Variants in ARFGEF1 observed in about 807,000 individuals in gnomAD.
ARFGEF1 encodes ARF guanine nucleotide exchange factor 1.
Under a neutral mutation model 231.0 loss-of-function variants are expected in ARFGEF1, and 42 were observed. The observed-to-expected ratio is 0.18, with a 90% CI of 0.14 to 0.24. The LOEUF (loss-of-function observed/expected upper bound fraction) is 0.24. Ranked by LOEUF, ARFGEF1 falls within the 10% of genes least tolerant of loss-of-function variation. ARFGEF1 has a pLI of 1.00. For synonymous variants in ARFGEF1, 710 were observed against 732.3 expected, an observed-to-expected ratio of 0.97 and a Z score of 0.49; for missense variants, 1,345 against 2,192.0, an observed-to-expected ratio of 0.61 and a Z score of 7.72.
At position 67,288,071 on chromosome 8, in the gene ARFGEF1, A is replaced by G. The variant is rs377085875; in HGVS notation, c.917-6T>C. On this transcript the variant is annotated splice_polypyrimidine_tract_variant and splice_region_variant and intron_variant, in intron 6 of 38. Coordinates refer to ENST00000262215, the MANE Select transcript of ARFGEF1 (RefSeq NM_006421.5). ...CACTTCATTTTTAGATAATGCTTTA[A>G]AAGAAGAAAAATTCAACAGAACATT... 68 of 1,558,010 alleles carry G rather than the reference A, an allele frequency of 4.4e-5. No individual in the cohort carries two copies. The African/African-American group carries it at 9.0e-4, about 21-fold the overall frequency.
At chr8:67,299,116 TA>T in intron 4 of ARFGEF1, 92 bp downstream of exon 4, 1 of 1,205,912 alleles carries the variant, frequency 8.3e-7, no homozygotes, top group African/African-American at 1.6e-5. Context: ...GGAATGCACA[TA>T]AAATGATCTT....
chr8:67,331,690 T>A (rs1198652130), intron 1 of ARFGEF1, among the ~76,000 whole-genome samples: 1 of 151,896 alleles, frequency 6.6e-6, no homozygotes, highest in Admixed American at 6.6e-5. Flanking sequence ...ATATCCTAAC[T>A]ATAAAGAGGA....
chr8:67,280,332 C>T (rs1805483450), intron 7 of ARFGEF1, among the ~76,000 whole-genome samples: 1 of 152,160 alleles, frequency 6.6e-6, no homozygotes, highest in South Asian at 2.1e-4. Context: ...TCACTGCCTG[C>T]TAATTAAAGT....
chr8:67,197,980 AT>A lies in ARFGEF1; in HGVS notation c.*953del. 1.0e-6 allele frequency: 1 copy of A among 985,880 alleles called. No homozygotes were observed. Among genetic ancestry groups the A allele is most frequent in the Non-Finnish European group, 1.2e-6 (1 of 829,932 alleles). The allele number at this position is 985,880 out of a possible 1,614,324, so 61.1% of individuals were successfully genotyped here. On this transcript the variant is annotated 3_prime_UTR_variant, in exon 39 of 39. Transcript: ENST00000262215. ...CGTTAAATTCTGTACATAGAGTAAA[AT>A]CTACATCAAGCCCCACCACCCAAAA...
intron 33 of ARFGEF1, among the ~76,000 whole-genome samples, chr8:67,213,874 G>A (rs1406076527): frequency 1.3e-5 from 2 of 152,164 alleles, no homozygotes; most frequent in Admixed American, 1.3e-4. Context: ...CCACAATCAC[G>A]TAAGCCAGTT....
downstream of ARFGEF1, among the ~76,000 whole-genome samples, chr8:67,195,227 G>GGTGA (rs1324028780): frequency 1.9e-4 from 29 of 151,832 alleles, no homozygotes; most frequent in Non-Finnish European, 3.4e-4. Flanking sequence ...GGTGGGGTGG[G>GGTGA]GTGAGTCTAA....
At chr8:67,269,586 G>C (rs1378769287) in intron 10 of ARFGEF1, among the ~76,000 whole-genome samples, 1 of 151,792 alleles carries the variant, frequency 6.6e-6, no homozygotes, top group Non-Finnish European at 1.5e-5. Flanking sequence ...CCTGACCTCA[G>C]GTGATCCACC....
rs1396180556 is a variant in ARFGEF1 at position 67,271,568 on chromosome 8, TG to T, written c.1572+133del. 8 of 684,668 alleles carry T rather than the reference TG, an allele frequency of 1.2e-5. No individual in the cohort carries two copies. The East Asian group carries it at 2.2e-4, about 19-fold the overall frequency. 42.4% of individuals were successfully genotyped at this position (684,668 alleles called of 1,614,324 possible). ...GGCACATATTAGTTGAACAGGTGAA[TG>T]AAAAAAAATAAGTGCATGGCAATAT... is the stretch of plus-strand genomic sequence containing the variant. On this transcript the variant is annotated intron_variant, in intron 10 of 38. Coordinates refer to ENST00000262215, the MANE Select transcript of ARFGEF1 (RefSeq NM_006421.5).
chr8:67,342,433 C>T (rs1808684015), intron 1 of ARFGEF1, among the ~76,000 whole-genome samples: 1 of 152,148 alleles, frequency 6.6e-6, no homozygotes, highest in Admixed American at 6.5e-5. Flanking sequence ...GTGTCATTGT[C>T]TTTTTCATTT....
rs573741799 is a variant in ARFGEF1, at chr8:67,217,787, T to C, written c.4608A>G (p.Pro1536=). 8.7e-6 allele frequency: 14 copies of C among 1,613,576 alleles called. No individual in the cohort carries two copies. The South Asian group carries it at 1.1e-4, about 13-fold the overall frequency. Reference sequence around the variant, plus strand: ...GTTGTATAAAATCTTCTTACGCATGTGGGATTGTGGTTTTGAAGATATCCA... The same window carrying C: ...GTTGTATAAAATCTTCTTACGCATGCGGGATTGTGGTTTTGAAGATATCCA... The part of the protein sequence containing the change: ...CTLDIFKTTI[P]HALLTWRPNS... Residue 1536 remains proline, a synonymous_variant, in exon 32 of 39, where the codon CCA becomes CCG. Coordinates refer to ENST00000262215, the MANE Select transcript of ARFGEF1 (RefSeq NM_006421.5).
chr8:67,291,168 G>A (rs1805990853), intron 6 of ARFGEF1, among the ~76,000 whole-genome samples: 1 of 152,050 alleles, frequency 6.6e-6, no homozygotes, highest in African/African-American at 2.4e-5. Context: ...CTCCCTGGTA[G>A]TTTCACAGAA....
chr8:67,220,299 T>A (rs1157184009), intron 29 of ARFGEF1, among the ~76,000 whole-genome samples: 1 of 152,252 alleles, frequency 6.6e-6, no homozygotes, highest in Non-Finnish European at 1.5e-5. Flanking sequence ...CTCTATTTGT[T>A]GCTTTTTCTG....
chr8:67,191,318 A>G (rs1163964628), intron 5 of ARFGEF1, among the ~76,000 whole-genome samples: 1 of 152,222 alleles, frequency 6.6e-6, no homozygotes, highest in Non-Finnish European at 1.5e-5. Context: ...GTTTCCTTAT[A>G]TATGACGTGA....
intron 1 of ARFGEF1, among the ~76,000 whole-genome samples, chr8:67,322,731 A>G (rs779590329): frequency 6.6e-6 from 1 of 152,176 alleles, no homozygotes; most frequent in Non-Finnish European, 1.5e-5. Flanking sequence ...GCCTGTCTTT[A>G]CCGAAAAGTC....
At chr8:67,252,497 A>G (rs1840328417) in intron 18 of ARFGEF1, among the ~76,000 whole-genome samples, 1 of 152,104 alleles carries the variant, frequency 6.6e-6, no homozygotes, top group African/African-American at 2.4e-5. Flanking sequence ...GAATATGAGG[A>G]TGATACAATA....
At chr8:67,237,005 T>C (rs1407897673) in intron 22 of ARFGEF1, among the ~76,000 whole-genome samples, 2 of 152,210 alleles carry the variant, frequency 1.3e-5, no homozygotes, top group African/African-American at 4.8e-5. Flanking sequence ...ATTTTTAGTG[T>C]AACCTAATTC....
chr8:67,289,016 C>T (rs972370007), intron 6 of ARFGEF1, among the ~76,000 whole-genome samples: 3 of 151,914 alleles, frequency 2.0e-5, no homozygotes, highest in African/African-American at 7.3e-5. Flanking sequence ...TCTGAATAGC[C>T]TAAGAGAAAC....
chr8:67,199,650 G>A (rs1838248048), intron 38 of ARFGEF1: 1 of 154,800 alleles, frequency 6.5e-6, no homozygotes, highest in South Asian at 2.0e-4. Flanking sequence ...TCCAGATCCA[G>A]GGAAGCAGTG....
intron 23 of ARFGEF1, among the ~76,000 whole-genome samples, chr8:67,228,914 C>T (rs1355891539): frequency 6.6e-6 from 1 of 152,030 alleles, no homozygotes; most frequent in Non-Finnish European, 1.5e-5. Context: ...TTAAAGTCTG[C>T]ATTTTAACCC....
Sources: allele counts gnomAD v4.1 joint callset (sites outside exome capture counted in the v4.1 genomes callset), GRCh38; gene constraint gnomAD v4.1.1; transcripts MANE v1.5; gene names NCBI Gene and HGNC (gene_info 2026-07-23, HGNC 2026-07-21).